KIAA1958: variants seen among roughly 807,000 people sequenced by gnomAD.
KIAA1958 encodes KIAA1958, also known as uncharacterized protein KIAA1958.
In KIAA1958, 14 loss-of-function variants were observed where a neutral mutation model predicts 47.2. The observed-to-expected ratio is 0.30, with a 90% confidence interval of 0.20 to 0.46. The LOEUF (loss-of-function observed/expected upper bound fraction) is 0.46. Ranked by LOEUF, KIAA1958 falls within the 20% of genes least tolerant of loss-of-function variation. The probability of loss-of-function intolerance (pLI) is 1.00; values close to 1 mark genes in which losing one functional copy is unlikely to be tolerated. For missense variants in KIAA1958, 803 were observed against 909.2 expected, an observed-to-expected ratio of 0.88 and a Z score of 1.50; for synonymous variants, 354 against 353.3, an observed-to-expected ratio of 1.00 and a Z score of -0.02.
intron 1 of KIAA1958, among the ~76,000 whole-genome samples, chr9:112,528,221 T>C (rs1029848193): frequency 5.9e-5 from 9 of 152,184 alleles, no homozygotes; most frequent in Non-Finnish European, 1.3e-4. Flanking sequence ...TCCAACTTGA[T>C]GGTCTGGTGC....
chr9:112,618,052 T>TG lies in KIAA1958; in HGVS notation c.1172-27597dup. Reference sequence around the variant, plus strand: ...CCTACCTTGCCTCTTTCTTTGTTGATGCCAGGCAGAAGGATGGGTCCGAAT... The same window carrying TG: ...CCTACCTTGCCTCTTTCTTTGTTGATGGCCAGGCAGAAGGATGGGTCCGAAT... On this transcript the variant is annotated intron_variant, in intron 2 of 3. Transcript: ENST00000337530. This position sits in a 1 kb window ranked among gnomAD's most constrained non-coding sequence, Gnocchi z 7.1. 1 of 1,550,604 alleles carries TG rather than the reference T, an allele frequency of 6.4e-7. No individual in the cohort carries two copies. Among genetic ancestry groups the TG allele is most frequent in the Non-Finnish European group, 8.7e-7 (1 of 1,146,998 alleles).
chr9:112,568,764 T>C (rs1835474017), intron 1 of KIAA1958, among the ~76,000 whole-genome samples: 1 of 151,080 alleles, frequency 6.6e-6, no homozygotes, highest in Non-Finnish European at 1.5e-5. Flanking sequence ...GGTGCGCACC[T>C]GTGGTCCCAG....
rs551030911 is a variant in KIAA1958, at chr9:112,566,821, A to C, written c.-24-7236A>C. ...GTTTTATTTATATGTGCTAAGATGA[A>C]TACAGCATGAACAGGTTTTCTAACA... On this transcript the variant is annotated intron_variant, in intron 1 of 3. Transcript: ENST00000337530. Among the ~76,000 whole-genome samples the C allele has an allele frequency of 2.0e-5, 3 of 152,338 alleles. No homozygotes were observed. The East Asian group carries it at 5.8e-4, about 29-fold the overall frequency.
chr9:112,618,967 G>GTGAT lies in KIAA1958; in HGVS notation c.1172-26681_1172-26678dup. On this transcript the variant is annotated intron_variant, in intron 2 of 3. Transcript: ENST00000337530. The surrounding 1 kb of genome is among the most constrained non-coding windows in gnomAD (Gnocchi z 7.1). ...TTTGGTTACTGTGTCCGGAGAAACT[G>GTGAT]TGATTATACACCGCTTCTCGTTCCC... is the stretch of plus-strand genomic sequence containing the variant. 1.4e-6 allele frequency: 2 copies of GTGAT among 1,479,994 alleles called. No individual in the cohort carries two copies. 91.7% of individuals were successfully genotyped at this position (1,479,994 alleles called of 1,614,324 possible). A position where few individuals can be genotyped will look rare whatever the true frequency, so the allele number is the denominator to read the frequency against.
chr9:112,655,772 C>G (rs974035625), intron 3 of KIAA1958, among the ~76,000 whole-genome samples: 1 of 152,126 alleles, frequency 6.6e-6, no homozygotes, highest in Non-Finnish European at 1.5e-5. Context: ...TATCTTGAGT[C>G]GTGGTCCACC....
chr9:112,617,584 T>TA (rs1836428675), intron 2 of KIAA1958, among the ~76,000 whole-genome samples: 1 of 152,236 alleles, frequency 6.6e-6, no homozygotes, highest in Admixed American at 6.5e-5. Flanking sequence ...AGGCTGTCTC[T>TA]AATCTCTCTC....
intron 1 of KIAA1958, among the ~76,000 whole-genome samples, chr9:112,546,734 T>A (rs1835038610): frequency 6.6e-6 from 1 of 152,110 alleles, no homozygotes; most frequent in Admixed American, 6.5e-5. Flanking sequence ...AATTTTATGT[T>A]TCTCAGAGTT....
chr9:112,488,613 A>G (rs1014033451), intron 1 of KIAA1958, among the ~76,000 whole-genome samples: 1 of 152,190 alleles, frequency 6.6e-6, no homozygotes, highest in African/African-American at 2.4e-5. Context: ...TTTGGGGGCC[A>G]TGCATACAAT....
chr9:112,658,864 C>CA (rs1468081379), intron 3 of KIAA1958, among the ~76,000 whole-genome samples: 1 of 151,312 alleles, frequency 6.6e-6, no homozygotes, highest in East Asian at 1.9e-4. Flanking sequence ...ACAAAAAATA[C>CA]AAAAAATTAG....
At chr9:112,524,973 CAGAATAGGCTCAGT>C (rs1834614919) in intron 1 of KIAA1958, among the ~76,000 whole-genome samples, 1 of 152,220 alleles carries the variant, frequency 6.6e-6, no homozygotes, top group Non-Finnish European at 1.5e-5. Flanking sequence ...TTCTGCTCAG[CAGAATAGGCTCAGT>C]GAGATTCTTT....
intron 2 of KIAA1958, among the ~76,000 whole-genome samples, chr9:112,585,652 T>G (rs946791845): frequency 6.6e-6 from 1 of 152,174 alleles, no homozygotes; most frequent in African/African-American, 2.4e-5. Context: ...GCAGTAATGC[T>G]CACATGAGAT....
At chr9:112,622,896 G>A (rs1246676726) in intron 2 of KIAA1958, among the ~76,000 whole-genome samples, 1 of 152,122 alleles carries the variant, frequency 6.6e-6, no homozygotes, top group Non-Finnish European at 1.5e-5. Context: ...GGGGTATAAA[G>A]ACACATGAAA....
At chr9:112,527,764 C>A (rs979018782) in intron 1 of KIAA1958, among the ~76,000 whole-genome samples, 1 of 151,702 alleles carries the variant, frequency 6.6e-6, no homozygotes, top group Non-Finnish European at 1.5e-5. Context: ...TGGTGAAACC[C>A]CATCTCTACA....
chr9:112,642,880 A>G (rs1836916630), intron 2 of KIAA1958, among the ~76,000 whole-genome samples: 2 of 152,224 alleles, frequency 1.3e-5, no homozygotes, highest in Admixed American at 6.5e-5. Context: ...TCATTTTCAC[A>G]TCATTTCTGT....
chr9:112,551,096 A>C (rs1835136081), intron 1 of KIAA1958, among the ~76,000 whole-genome samples: 1 of 148,284 alleles, frequency 6.7e-6, no homozygotes. Context: ...TTTTACTATG[A>C]GTTTTTAAAA....
chr9:112,566,824 C>T (rs1368143230), intron 1 of KIAA1958, among the ~76,000 whole-genome samples: 2 of 152,110 alleles, frequency 1.3e-5, no homozygotes, highest in Admixed American at 6.5e-5. Context: ...AAGATGAATA[C>T]AGCATGAACA....
At chr9:112,630,199 C>T (rs1485861835) in intron 2 of KIAA1958, among the ~76,000 whole-genome samples, 1 of 152,204 alleles carries the variant, frequency 6.6e-6, no homozygotes, top group East Asian at 1.9e-4. Flanking sequence ...TCGTAGGCTT[C>T]CTGGAGCCCC....
intron 1 of KIAA1958, among the ~76,000 whole-genome samples, chr9:112,533,072 G>T (rs569420995): frequency 1.3e-5 from 2 of 151,592 alleles, no homozygotes; most frequent in African/African-American, 4.9e-5. Context: ...CCAAATTTAA[G>T]TATACCCTTC....
chr9:112,523,753 G>A (rs1834593987), intron 1 of KIAA1958, among the ~76,000 whole-genome samples: 1 of 152,186 alleles, frequency 6.6e-6, no homozygotes, highest in Non-Finnish European at 1.5e-5. Context: ...CCCAGAAATG[G>A]TTTAAGACAG....
Sources: gnomAD v4.1 joint callset for allele counts (sites outside exome capture counted in the v4.1 genomes callset) on GRCh38, gnomAD v4.1.1 for gene constraint, Gnocchi (gnomAD v3.1) non-coding constraint, MANE v1.5 for transcripts, NCBI Gene and HGNC (gene_info 2026-07-23, HGNC 2026-07-21) for gene names.